The following EPB41L4A variants were observed in gnomAD, a reference collection of about 807,000 sequenced individuals.
EPB41L4A encodes the protein band 4.1-like protein 4A.
Under a neutral mutation model 108.6 loss-of-function variants are expected in EPB41L4A, and 100 were observed. That is an observed-to-expected ratio of 0.92 (90% CI 0.78 to 1.09). The LOEUF (loss-of-function observed/expected upper bound fraction) is 1.09. EPB41L4A is among the 50% of genes least tolerant of loss of function. The probability of loss-of-function intolerance (pLI) is 0.00; values close to 1 mark genes in which losing one functional copy is unlikely to be tolerated. For synonymous variants in EPB41L4A, 319 were observed against 289.0 expected, an observed-to-expected ratio of 1.10 and a Z score of -1.05; for missense variants, 1,030 against 842.7, an observed-to-expected ratio of 1.22 and a Z score of -2.75.
intron 1 of EPB41L4A, among the ~76,000 whole-genome samples, chr5:112,331,057 T>C: frequency 6.6e-6 from 1 of 152,140 alleles, no homozygotes; most frequent in East Asian, 1.9e-4. Flanking sequence ...TTACCCAAAA[T>C]GGTAAGGAAG....
chr5:112,313,358 G>A (rs973379467), intron 1 of EPB41L4A, among the ~76,000 whole-genome samples: 11 of 152,288 alleles, frequency 7.2e-5, no homozygotes, highest in South Asian at 2.1e-4. Flanking sequence ...TTGGGAGGCC[G>A]AGGCGGGTGG....
intron 12 of EPB41L4A, among the ~76,000 whole-genome samples, chr5:112,220,906 C>G (rs1747997332): frequency 6.6e-6 from 1 of 152,158 alleles, no homozygotes; most frequent in Non-Finnish European, 1.5e-5. Context: ...AAGCCCCCCT[C>G]CAGGTTATTA....
intron 1 of EPB41L4A, among the ~76,000 whole-genome samples, chr5:112,392,497 C>T (rs1761020564): frequency 6.6e-6 from 1 of 151,614 alleles, no homozygotes; most frequent in Non-Finnish European, 1.5e-5. Flanking sequence ...CACAGAAGGC[C>T]ATTACATAAT....
intron 1 of EPB41L4A, among the ~76,000 whole-genome samples, chr5:112,356,336 TG>T (rs1758358070): frequency 6.6e-6 from 1 of 152,082 alleles, no homozygotes; most frequent in African/African-American, 2.4e-5. Flanking sequence ...TACTTAAGGG[TG>T]GTAACTCCTA....
chr5:112,153,181 T>C (rs543419925), intron 12 of EPB41L4A, among the ~76,000 whole-genome samples: 4 of 150,974 alleles, frequency 2.6e-5, no homozygotes, highest in South Asian at 4.2e-4. Context: ...ATCAAACCAT[T>C]GCACTCCAGC....
chr5:112,156,844 G>A (rs562979895), intron 12 of EPB41L4A, among the ~76,000 whole-genome samples: 7 of 152,220 alleles, frequency 4.6e-5, no homozygotes, highest in East Asian at 1.9e-4. Flanking sequence ...GAAGACAAGC[G>A]TAATCAAACA....
intron 1 of EPB41L4A, among the ~76,000 whole-genome samples, chr5:112,415,663 G>A (rs1454868548): frequency 9.9e-5 from 15 of 152,056 alleles, no homozygotes; most frequent in Admixed American, 9.8e-4. Context: ...AACTAGAAAG[G>A]ATACAACAAA....
intron 13 of EPB41L4A, among the ~76,000 whole-genome samples, chr5:112,144,057 G>A (rs916465370): frequency 2.6e-5 from 4 of 152,138 alleles, no homozygotes; most frequent in African/African-American, 4.8e-5. Context: ...ACTGCCTTCA[G>A]AAACAGAATT....
intron 2 of EPB41L4A, among the ~76,000 whole-genome samples, chr5:112,307,142 G>T (rs1754740496): frequency 6.6e-6 from 1 of 152,144 alleles, no homozygotes. Context: ...TGCAAATCTG[G>T]AAACCACATA....
chr5:112,200,261 C>T (rs928153285), intron 15 of EPB41L4A, among the ~76,000 whole-genome samples: 5 of 152,168 alleles, frequency 3.3e-5, no homozygotes, highest in African/African-American at 1.2e-4. Flanking sequence ...GATCCTGGCG[C>T]AAGCATCCAA....
At chr5:112,161,903 G>C (rs955791723), downstream of EPB41L4A, 1 of 181,854 alleles carries the variant, frequency 5.5e-6, no homozygotes, top group Non-Finnish European at 1.2e-5. Context: ...TAGCTATTAA[G>C]GTGAGTTAAT....
chr5:112,358,522 T>C (rs964199948), intron 1 of EPB41L4A, among the ~76,000 whole-genome samples: 1 of 152,146 alleles, frequency 6.6e-6, no homozygotes, highest in African/African-American at 2.4e-5. Flanking sequence ...GGATCACCCA[T>C]CAGGACAGCA....
chr5:112,144,016 G>T, intron 13 of EPB41L4A: 1 of 316,170 alleles, frequency 3.2e-6, no homozygotes, highest in Non-Finnish European at 6.6e-6. Context: ...CTTTGGACTT[G>T]AAGCCTATAG....
At chr5:112,313,415 C>T (rs1580665406) in intron 1 of EPB41L4A, among the ~76,000 whole-genome samples, 1 of 152,062 alleles carries the variant, frequency 6.6e-6, no homozygotes, top group Admixed American at 6.5e-5. Context: ...CACGGTGAAA[C>T]CCCGTCTCTA....
At chr5:112,343,757 T>C (rs1021125639) in intron 1 of EPB41L4A, among the ~76,000 whole-genome samples, 2 of 152,054 alleles carry the variant, frequency 1.3e-5, no homozygotes, top group East Asian at 1.9e-4. Context: ...AACAAATAAA[T>C]AGCAAGAGAG....
chr5:112,156,990 T>C (rs1281203914), intron 12 of EPB41L4A, among the ~76,000 whole-genome samples: 6 of 152,134 alleles, frequency 3.9e-5, no homozygotes, highest in Admixed American at 6.5e-5. Context: ...TCATGGTGTC[T>C]GCGTGGTGAT....
chr5:112,186,323 G>C (rs972441637), intron 17 of EPB41L4A, among the ~76,000 whole-genome samples: 1 of 152,146 alleles, frequency 6.6e-6, no homozygotes, highest in African/African-American at 2.4e-5. Flanking sequence ...CACAGTTACT[G>C]TATGTTCATT....
At chr5:112,358,981 T>C (rs1416927905) in intron 1 of EPB41L4A, among the ~76,000 whole-genome samples, 2 of 152,128 alleles carry the variant, frequency 1.3e-5, no homozygotes, top group Non-Finnish European at 1.5e-5. Context: ...AATGTCAAAA[T>C]AGGCAAAATT....
chr5:112,293,844 C>T (rs554870913), intron 2 of EPB41L4A, among the ~76,000 whole-genome samples: 1 of 152,130 alleles, frequency 6.6e-6, no homozygotes, highest in Non-Finnish European at 1.5e-5. Flanking sequence ...GAGGGCACAC[C>T]CACTCTAAAC....
Sources: gnomAD v4.1 joint callset for allele counts (sites outside exome capture counted in the v4.1 genomes callset) on GRCh38, gnomAD v4.1.1 for gene constraint, MANE v1.5 for transcripts, NCBI Gene and HGNC (gene_info 2026-07-23, HGNC 2026-07-21) for gene names.